Variants in GALNT14 observed in about 807,000 individuals in gnomAD.
The protein encoded by GALNT14 is UDP-GalNAc:polypeptide N-acetylgalactosaminyltransferase 14.
A neutral mutation model predicts 77.5 loss-of-function variants in GALNT14; 60 were observed. That is an observed-to-expected ratio of 0.77 (90% CI 0.63 to 0.96). The LOEUF is 0.96. Ranked by LOEUF, GALNT14 falls within the 40% of genes least tolerant of loss-of-function variation. The pLI, the probability that GALNT14 is intolerant of heterozygous loss-of-function variation, is 0.00. For missense variants in GALNT14, 710 were observed against 731.0 expected (o/e 0.97, Z 0.33); for synonymous variants, 280 against 281.7 (o/e 0.99, Z 0.06).
chr2:31,061,260 C>A (rs573796247), intron 1 of GALNT14, among the ~76,000 whole-genome samples: 33 of 152,296 alleles, frequency 2.2e-4, no homozygotes, highest in Admixed American at 1.6e-3. Context: ...CAAGCAAGTT[C>A]CTGTCTCCAT....
intron 1 of GALNT14, among the ~76,000 whole-genome samples, chr2:31,096,771 T>A (rs931326549): frequency 5.3e-5 from 8 of 151,984 alleles, no homozygotes; most frequent in African/African-American, 1.7e-4. Context: ...ACCTTGGAAA[T>A]GTATATATGA....
chr2:30,999,453 G>A (rs1670229638), intron 1 of GALNT14, among the ~76,000 whole-genome samples: 2 of 152,068 alleles, frequency 1.3e-5, no homozygotes, highest in African/African-American at 4.8e-5. Flanking sequence ...TCCAACCCCT[G>A]GTACCATCAC....
At position 30,927,502 on chromosome 2, in the gene GALNT14, C is replaced by T. The variant is rs151029867; in HGVS notation, c.1151+1893G>A. Among the ~76,000 whole-genome samples the T allele has an allele frequency of 1.8e-3, 277 of 152,270 alleles. 1 individual carries two copies. Among genetic ancestry groups the T allele is most frequent in the Middle Eastern group, 3.4e-3 (1 of 294 alleles). ...GAGATGAATCCAGGCAGTGGGAACT[C>T]GATAAATGTTGATTTATGAATGAAT... On this transcript the variant is annotated intron_variant, in intron 11 of 14. Coordinates refer to ENST00000349752, the MANE Select transcript of GALNT14 (RefSeq NM_024572.4).
At position 31,067,559 on chromosome 2, in the gene GALNT14, T is replaced by A. The variant is rs77738659; in HGVS notation, c.129+70399A>T. On this transcript the variant is annotated intron_variant, in intron 1 of 14. Coordinates refer to ENST00000349752, the MANE Select transcript of GALNT14 (RefSeq NM_024572.4). ...ACATTAGGTCTGCTGTAAAATAGGG[T>A]CCCTGGCTCTGCCCATGGTAGCTCC... 1.4e-3 allele frequency among the ~76,000 whole-genome samples: 212 copies of A among 152,182 alleles called. 5 individuals carry two copies. The highest frequency in any genetic ancestry group is 0.014 in the East Asian group (71 of 5,170).
intron 1 of GALNT14, among the ~76,000 whole-genome samples, chr2:31,074,559 G>T (rs1675637006): frequency 1.3e-5 from 2 of 152,102 alleles, no homozygotes; most frequent in South Asian, 4.1e-4. Context: ...GGGGCTAACT[G>T]GTTCAGGATG....
chr2:31,057,738 G>T lies in GALNT14; in HGVS notation c.130-64731C>A, dbSNP rs1674325876. ...CTGTCAGGCTTAGGTCTGCATGATG[G>T]CTATGCTCCCTTGGCCCCTTCCCCC... On this transcript the variant is annotated intron_variant, in intron 1 of 14. Coordinates refer to ENST00000349752, the MANE Select transcript of GALNT14 (RefSeq NM_024572.4). Among the ~76,000 whole-genome samples the T allele has an allele frequency of 2.0e-5, 3 of 152,038 alleles. No homozygotes were observed. In the South Asian group the frequency reaches 6.2e-4, roughly 31 times the overall value.
At chr2:31,038,371 G>A (rs538550138) in intron 1 of GALNT14, among the ~76,000 whole-genome samples, 133 of 151,986 alleles carry the variant, frequency 8.8e-4, no homozygotes, top group African/African-American at 3.1e-3. Context: ...TAGGCTTACA[G>A]GTGTGAGCCA....
In GALNT14 at chr2:31,086,837, G is replaced by A. The variant is rs144122158; in HGVS notation, c.129+51121C>T. ...ACAGCCTGCAGATTGGCGAACAGCA[G>A]ACTAGACAACCTCCAAGGGTCTTTC... On this transcript the variant is annotated intron_variant, in intron 1 of 14. Coordinates refer to ENST00000349752, the MANE Select transcript of GALNT14 (RefSeq NM_024572.4). 2.0e-3 allele frequency among the ~76,000 whole-genome samples: 311 copies of A among 152,232 alleles called. 1 individual carries two copies. The highest frequency in any genetic ancestry group is 7.1e-3 in the African/African-American group (297 of 41,540).
chr2:30,947,895 A>G (rs969720244), intron 6 of GALNT14, among the ~76,000 whole-genome samples: 1 of 152,202 alleles, frequency 6.6e-6, no homozygotes, highest in Non-Finnish European at 1.5e-5. Context: ...CCCACATGGA[A>G]AGAAATGCTC....
Position 31,124,645 on chromosome 2 carries a change from G to C in GALNT14, c.129+13313C>G, listed in dbSNP as rs556537955. Among the ~76,000 whole-genome samples, 253 of 152,258 alleles carry C rather than the reference G, an allele frequency of 1.7e-3. 2 individuals carry two copies. The highest frequency in any genetic ancestry group is 0.01 in the Middle Eastern group (3 of 294). ...TTTTTGTTTGTTTGTTTTTGAAACA[G>C]GGTCTCCCTCTATTGCCCAGGATGG... On this transcript the variant is annotated intron_variant, in intron 1 of 14. Coordinates refer to ENST00000349752, the MANE Select transcript of GALNT14 (RefSeq NM_024572.4).
At chr2:30,911,574 C>T (rs998501183) in intron 14 of GALNT14, among the ~76,000 whole-genome samples, 4 of 152,116 alleles carry the variant, frequency 2.6e-5, no homozygotes, top group South Asian at 4.1e-4. Flanking sequence ...GGAAGCACCC[C>T]GGAGAGGGCA....
At chr2:31,039,644 T>G (rs930956072) in intron 1 of GALNT14, among the ~76,000 whole-genome samples, 1 of 152,138 alleles carries the variant, frequency 6.6e-6, no homozygotes, top group Non-Finnish European at 1.5e-5. Context: ...TGCCTAGTCC[T>G]GTCATTTATG....
chr2:31,003,907 G>A (rs1344259342), intron 1 of GALNT14, among the ~76,000 whole-genome samples: 2 of 152,172 alleles, frequency 1.3e-5, no homozygotes, highest in African/African-American at 4.8e-5. Context: ...CTGGGGAAGC[G>A]GGCCTGGCTC....
chr2:30,930,669 C>T (rs2148249089), intron 10 of GALNT14, among the ~76,000 whole-genome samples: 1 of 152,344 alleles, frequency 6.6e-6, no homozygotes, highest in East Asian at 1.9e-4. Flanking sequence ...CTTTCAGATG[C>T]TAGCTCTGCT....
chr2:31,076,624 TA>T (rs1158463097), intron 1 of GALNT14, among the ~76,000 whole-genome samples: 22 of 119,020 alleles, frequency 1.8e-4, no homozygotes, highest in Non-Finnish European at 2.5e-4. Context: ...TATATATATA[TA>T]TATATTTTTT....
intron 1 of GALNT14, among the ~76,000 whole-genome samples, chr2:31,119,494 A>G (rs1244504262): frequency 6.6e-6 from 1 of 152,210 alleles, no homozygotes; most frequent in Admixed American, 6.5e-5. Context: ...GAGGAATATA[A>G]AATTACAATT....
chr2:31,023,838 G>A (rs763111829), intron 1 of GALNT14, among the ~76,000 whole-genome samples: 60 of 152,074 alleles, frequency 3.9e-4, no homozygotes, highest in Middle Eastern at 3.2e-3. Flanking sequence ...ACACTGAAGC[G>A]TTCCAGTTGT....
chr2:31,107,642 A>T (rs1427901377), intron 1 of GALNT14, among the ~76,000 whole-genome samples: 1 of 152,194 alleles, frequency 6.6e-6, no homozygotes, highest in Non-Finnish European at 1.5e-5. Flanking sequence ...TCACCACTAC[A>T]TCTCAAACGA....
chr2:31,123,783 C>T (rs1241324742), intron 1 of GALNT14, among the ~76,000 whole-genome samples: 1 of 152,162 alleles, frequency 6.6e-6, no homozygotes, highest in Non-Finnish European at 1.5e-5. Context: ...AAGCAATTGT[C>T]TCAAACTTGT....
Sources: gnomAD v4.1 joint callset for allele counts (sites outside exome capture counted in the v4.1 genomes callset) on GRCh38, gnomAD v4.1.1 for gene constraint, MANE v1.5 for transcripts, NCBI Gene and HGNC (gene_info 2026-07-23, HGNC 2026-07-21) for gene names.